EMP1: variants seen among roughly 807,000 people sequenced by gnomAD.
EMP1 encodes the protein epithelial membrane protein 1, also known as tumor-associated membrane protein.
Under a neutral mutation model 15.7 loss-of-function variants are expected in EMP1, and 5 were observed. The observed-to-expected ratio is 0.32, with a 90% CI of 0.17 to 0.67. EMP1 has a LOEUF of 0.67. Among genes scored for constraint, EMP1 ranks in the 30% least tolerant of loss-of-function variants. The pLI is 0.74. For synonymous variants in EMP1, 78 were observed against 76.7 expected (o/e 1.02, Z -0.09); for missense variants, 166 against 194.2 (o/e 0.85, Z 0.86).
intron 1 of EMP1, chr12:13,209,307 C>G (rs1864143076): frequency 6.6e-6 from 1 of 152,206 alleles, no homozygotes; most frequent in African/African-American, 2.4e-5. Context: ...GGAAGTTGGG[C>G]TGAGAAAGTG....
At position 13,205,016 on chromosome 12, in the gene EMP1, G is replaced by A. The variant is rs200334346; in HGVS notation, c.-42-6453G>A. ...GGCAGAATTAAAAGTCATGGTGGTC[G>A]TTGCAAAGAGCACACTCGGACGTAT... On this transcript the variant is annotated intron_variant, in intron 1 of 4. Transcript: ENST00000256951. 1.1e-4 allele frequency among the ~76,000 whole-genome samples: 16 copies of A among 152,306 alleles called. 1 individual carries two copies. In the East Asian group the frequency reaches 3.1e-3, roughly 29 times the overall value.
At position 13,200,855 on chromosome 12, in the gene EMP1, G is replaced by A. The variant is rs573517790; in HGVS notation, c.-43+3983G>A. On this transcript the variant is annotated intron_variant, in intron 1 of 4. Transcript: ENST00000256951. ...CAATGGAATCCTCTGCTGTTGGTGC[G>A]CTTGGACTTACGTGGCTGTGACAGT... Among the ~76,000 whole-genome samples the A allele has an allele frequency of 1.7e-3, 253 of 152,272 alleles. 2 individuals carry two copies. The highest frequency in any genetic ancestry group is 5.7e-3 in the African/African-American group (235 of 41,554).
At position 13,211,120 on chromosome 12, in the gene EMP1, C is replaced by T. The variant is rs958847320; in HGVS notation, c.-42-349C>T. 6.6e-6 allele frequency among the ~76,000 whole-genome samples: 1 copy of T among 152,176 alleles called. No individual in the cohort carries two copies. Among genetic ancestry groups the T allele is most frequent in the African/African-American group, 2.4e-5 (1 of 41,452 alleles). On this transcript the variant is annotated intron_variant, in intron 1 of 4. Coordinates refer to ENST00000256951, the MANE Select transcript of EMP1 (RefSeq NM_001423.3). The surrounding 1 kb of genome is among the most constrained non-coding windows in gnomAD (Gnocchi z 4.7). The stretch of plus-strand genomic sequence containing the variant: ...TATAAAGGCCTACTTCTTTGAAAAT[C>T]AAAGTCCTATTTTTAACCTCTAAAA...
rs1219005782 is a variant in EMP1, at chr12:13,211,502, A to AC, written c.-9_-8insC. The AC allele has an allele frequency of 2.5e-6, 4 of 1,606,616 alleles. No individual in the cohort carries two copies. The South Asian group carries it at 4.5e-5, about 18-fold the overall frequency. Reference sequence around the variant, plus strand: ...TTGCTCACAAGTTACCAAAAAAAAAAGAGCCAACATGTTGGTATTGCTGGC... The same window carrying AC: ...TTGCTCACAAGTTACCAAAAAAAAAACGAGCCAACATGTTGGTATTGCTGGC... On this transcript the variant is annotated 5_prime_UTR_variant, in exon 2 of 5. Transcript: ENST00000256951. The surrounding 1 kb of genome is among the most constrained non-coding windows in gnomAD (Gnocchi z 4.7).
chr12:13,209,229 C>T (rs11612827), intron 1 of EMP1: 33,554 of 152,106 alleles, frequency 0.22, 3,880 homozygotes, highest in Middle Eastern at 0.33. Context: ...CTGCAATCAG[C>T]CTGTTCCTTT....
chr12:13,199,964 C>CTTCT (rs1343966787), intron 1 of EMP1, among the ~76,000 whole-genome samples: 39 of 107,632 alleles, frequency 3.6e-4, no homozygotes, highest in African/African-American at 8.6e-4. Context: ...TCTTCTTCTT[C>CTTCT]TTTTTTTTTT....
chr12:13,214,043 A>G lies in EMP1; in HGVS notation c.316+222A>G, dbSNP rs1230666454. On this transcript the variant is annotated intron_variant, in intron 4 of 4. Transcript: ENST00000256951. Reference sequence around the variant, plus strand: ...AACCAGTGCTCCTGGGTAGCTACCAAGTGGCAGTGCATATCTGTTAGTAGC... The same window carrying G: ...AACCAGTGCTCCTGGGTAGCTACCAGGTGGCAGTGCATATCTGTTAGTAGC... 1.5e-5 allele frequency: 11 copies of G among 723,090 alleles called. No homozygotes were observed. In the East Asian group the frequency reaches 3.0e-4, roughly 19 times the overall value. 44.8% of individuals were successfully genotyped at this position (723,090 alleles called of 1,614,324 possible). A position where few individuals can be genotyped will look rare whatever the true frequency, so the allele number is the denominator to read the frequency against.
In EMP1 at chr12:13,201,829, A is replaced by C. The variant is rs571282100; in HGVS notation, c.-43+4957A>C. Among the ~76,000 whole-genome samples the C allele has an allele frequency of 1.9e-3, 285 of 152,318 alleles. 1 individual carries two copies. Among genetic ancestry groups the C allele is most frequent in the African/African-American group, 6.5e-3 (271 of 41,576 alleles). ...GACAACAGCAAAGCATTCACCAGGA[A>C]CAGAATCAGGCTCAGGGAGAAACTG... is the stretch of plus-strand genomic sequence containing the variant. On this transcript the variant is annotated intron_variant, in intron 1 of 4. Transcript: ENST00000256951.
chr12:13,212,575 TATCC>T (rs1175401303), intron 2 of EMP1, among the ~76,000 whole-genome samples: 2 of 152,274 alleles, frequency 1.3e-5, no homozygotes, highest in Non-Finnish European at 2.9e-5. Flanking sequence ...CTCCTATATC[TATCC>T]AGATAAATCT....
intron 4 of EMP1, chr12:13,214,212 T>C: frequency 1.7e-6 from 1 of 596,928 alleles, no homozygotes. Context: ...AAGGACATGC[T>C]CTTTTGCATC....
intron 4 of EMP1, 97 bp from the exon 5 acceptor site, chr12:13,214,437 T>G: frequency 6.6e-7 from 1 of 1,513,322 alleles, no homozygotes; most frequent in Non-Finnish European, 9.0e-7. Context: ...ATTTTCCTAT[T>G]GCTAATGAGG....
At chr12:13,207,314 CG>C (rs772304508) in intron 1 of EMP1, among the ~76,000 whole-genome samples, 1 of 152,208 alleles carries the variant, frequency 6.6e-6, no homozygotes, top group Non-Finnish European at 1.5e-5. Context: ...GGTTTCACCA[CG>C]TTAGCCAGGA....
rs1864184840 is a variant in EMP1 at position 13,213,504 on chromosome 12, A to T, written c.104A>T (p.Asp35Val). Residue 35 changes from aspartate to valine, a missense_variant, in exon 3 of 5, where the codon GAT becomes GTT. Physicochemically the swap from Asp to Val is radical, Grantham distance 152. Transcript: ENST00000256951. ...ANVWLVSNTV[D>V]ASVGLWKNCT... ...GTCTGGTTGGTTTCCAATACGGTAG[A>T]TGCATCAGTAGGTCTTTGGAAAAAC... is the stretch of plus-strand genomic sequence containing the variant. The T allele has an allele frequency of 1.2e-6, 2 of 1,614,204 alleles. No individual in the cohort carries two copies. The highest frequency in any genetic ancestry group is 1.3e-5 in the African/African-American group (1 of 75,026).
chr12:13,206,500 C>G (rs993858682), intron 1 of EMP1, among the ~76,000 whole-genome samples: 1 of 152,192 alleles, frequency 6.6e-6, no homozygotes, highest in Non-Finnish European at 1.5e-5. Context: ...GCTAATTCTT[C>G]AGTGACTCAA....
Position 13,214,826 on chromosome 12 carries a change from T to A in EMP1, c.*135T>A. ...GGGGAAGCAAAGGGGGGAGGTCAAATCCCAAACCATTACTGAGGGGATTCT... is the reference window on the plus strand; with the variant it reads ...GGGGAAGCAAAGGGGGGAGGTCAAAACCCAAACCATTACTGAGGGGATTCT... On this transcript the variant is annotated 3_prime_UTR_variant, in exon 5 of 5. Coordinates refer to ENST00000256951, the MANE Select transcript of EMP1 (RefSeq NM_001423.3). 3.3e-6 allele frequency: 2 copies of A among 612,924 alleles called. No individual in the cohort carries two copies. The highest frequency in any genetic ancestry group is 3.7e-5 in the South Asian group (2 of 54,556). The allele number at this position is 612,924 out of a possible 1,614,324, so 38.0% of individuals were successfully genotyped here.
chr12:13,200,946 C>G (rs1335515774), intron 1 of EMP1, among the ~76,000 whole-genome samples: 1 of 152,196 alleles, frequency 6.6e-6, no homozygotes, highest in East Asian at 1.9e-4. Flanking sequence ...CTAGAGAGCC[C>G]TTTCAGCACA....
rs1321225282 is a variant in EMP1 at position 13,214,545 on chromosome 12, C to G, written c.328C>G (p.Leu110Val). The G allele has an allele frequency of 3.7e-6, 6 of 1,613,470 alleles. No individual in the cohort carries two copies. The East Asian group carries it at 1.3e-4, about 36-fold the overall frequency. ...ATTLVCWLCI[L>V]VGVSIYTSHY... ...CTTTTCCCCTGCAGGGCTGTGCATT[C>G]TTGTGGGGGTGTCCATCTACACTAG... The change falls in exon 5 of 5, where the codon CTT becomes GTT. Residue 110 changes from leucine (L) to valine (V), a missense_variant. By Grantham distance (32) the Leu-to-Val change is conservative. Transcript: ENST00000256951.
At position 13,211,235 on chromosome 12, in the gene EMP1, A is replaced by G. The variant is rs1357656622; in HGVS notation, c.-42-234A>G. On this transcript the variant is annotated intron_variant, in intron 1 of 4. Coordinates refer to ENST00000256951, the MANE Select transcript of EMP1 (RefSeq NM_001423.3). The surrounding 1 kb of genome is among the most constrained non-coding windows in gnomAD (Gnocchi z 4.7). Reference sequence around the variant, plus strand: ...GTATTAGAGAAATGAATATGTAAATACCCAAGAAGAAACCAAATTCTGTTT... The same window carrying G: ...GTATTAGAGAAATGAATATGTAAATGCCCAAGAAGAAACCAAATTCTGTTT... Among the ~76,000 whole-genome samples, 1 of 152,236 alleles carries G rather than the reference A, an allele frequency of 6.6e-6. No individual in the cohort carries two copies. Among genetic ancestry groups the G allele is most frequent in the Non-Finnish European group, 1.5e-5 (1 of 68,044 alleles).
chr12:13,211,171 T>G lies in EMP1; in HGVS notation c.-42-298T>G, dbSNP rs1216965283. ...CACAAACAAAATAAAATACGAACAG[T>G]TATCATAAAATGTTCTTGTTCCTTT... On this transcript the variant is annotated intron_variant, in intron 1 of 4. Transcript: ENST00000256951. The surrounding 1 kb of genome is among the most constrained non-coding windows in gnomAD (Gnocchi z 4.7). 6.6e-6 allele frequency among the ~76,000 whole-genome samples: 1 copy of G among 152,228 alleles called. No individual in the cohort carries two copies. The highest frequency in any genetic ancestry group is 6.5e-5 in the Admixed American group (1 of 15,288).
Sources: gnomAD v4.1 joint callset for allele counts (sites outside exome capture counted in the v4.1 genomes callset) on GRCh38, gnomAD v4.1.1 for gene constraint, Gnocchi (gnomAD v3.1) non-coding constraint, MANE v1.5 for transcripts, NCBI Gene and HGNC (gene_info 2026-07-23, HGNC 2026-07-21) for gene names.